MED30: variants seen among roughly 807,000 people sequenced by gnomAD.
The protein encoded by MED30 is mediator of RNA polymerase II transcription subunit 30.
In MED30, 8 loss-of-function variants were observed where a neutral mutation model predicts 21.7. That is an observed-to-expected ratio of 0.37 (90% CI 0.22 to 0.67). The LOEUF is 0.67. MED30 is among the 30% of genes least tolerant of loss of function. MED30 has a pLI of 0.58. For synonymous variants in MED30, 79 were observed against 86.7 expected (o/e 0.91, Z 0.49); for missense variants, 203 against 228.2 (o/e 0.89, Z 0.71).
Position 117,539,980 on chromosome 8 carries a change from CTGA to C in MED30, c.*4_*6del, listed in dbSNP as rs1417276174. 6.4e-7 allele frequency: 1 copy of C among 1,562,800 alleles called. No homozygotes were observed. The highest frequency in any genetic ancestry group is 1.4e-5 in the African/African-American group (1 of 73,292). ...GCCATGTTGGCAATGAGGAACTAAG[CTGA>C]TATTTAAATTTCCTGCTTTACACAT... On this transcript the variant is annotated 3_prime_UTR_variant, in exon 4 of 4. Coordinates refer to ENST00000297347, the MANE Select transcript of MED30 (RefSeq NM_080651.4).
At chr8:117,533,494 G>A (rs1263908729) in intron 3 of MED30, among the ~76,000 whole-genome samples, 1 of 152,076 alleles carries the variant, frequency 6.6e-6, no homozygotes, top group East Asian at 1.9e-4. Context: ...CATATTTGGG[G>A]TTCAGTAAAT....
intron 3 of MED30, among the ~76,000 whole-genome samples, chr8:117,532,333 T>A (rs1389951083): frequency 2.6e-5 from 4 of 151,736 alleles, no homozygotes; most frequent in Non-Finnish European, 5.9e-5. Flanking sequence ...TCAAAGAAAA[T>A]GTTGATAAAT....
chr8:117,523,816 A>G (rs62521199), intron 1 of MED30: 207,068 of 592,478 alleles, frequency 0.35, 37,958 homozygotes, highest in Middle Eastern at 0.49. Context: ...AGACCAGCCT[A>G]GCCAACATGG....
In MED30 at chr8:117,520,741, G is replaced by T; in HGVS notation, c.-136G>T. 4 of 842,990 alleles carry T rather than the reference G, an allele frequency of 4.7e-6. No individual in the cohort carries two copies. Among genetic ancestry groups the T allele is most frequent in the Non-Finnish European group, 7.0e-6 (4 of 568,458 alleles). 52.2% of individuals were successfully genotyped at this position (842,990 alleles called of 1,614,324 possible). ...TTACGTCACAGTGGGCGGAAGTCGCGGCCGCTGTTTTGAAATCGGGCCGCG... is the reference window on the plus strand; with the variant it reads ...TTACGTCACAGTGGGCGGAAGTCGCTGCCGCTGTTTTGAAATCGGGCCGCG... On this transcript the variant is annotated 5_prime_UTR_variant, in exon 1 of 4. Coordinates refer to ENST00000297347, the MANE Select transcript of MED30 (RefSeq NM_080651.4).
At chr8:117,521,509 C>T (rs566141167) in intron 1 of MED30, among the ~76,000 whole-genome samples, 2 of 152,086 alleles carry the variant, frequency 1.3e-5, no homozygotes, top group Non-Finnish European at 2.9e-5. Flanking sequence ...TATATGTGTA[C>T]TGTAGTCTGT....
At chr8:117,526,418 A>G (rs58062490) in intron 1 of MED30, among the ~76,000 whole-genome samples, 38,495 of 151,960 alleles carry the variant, frequency 0.25, 5,252 homozygotes, top group Middle Eastern at 0.37. Flanking sequence ...CATTAATCAT[A>G]GTGCTGACTC....
In MED30 at chr8:117,520,794, T is replaced by C. The variant is rs1265101395; in HGVS notation, c.-83T>C. 2.2e-6 allele frequency: 3 copies of C among 1,371,190 alleles called. No homozygotes were observed. The highest frequency in any genetic ancestry group is 3.0e-5 in the African/African-American group (2 of 66,996). 84.9% of individuals were successfully genotyped at this position (1,371,190 alleles called of 1,614,324 possible). On this transcript the variant is annotated 5_prime_UTR_variant, in exon 1 of 4. Transcript: ENST00000297347. ...GGGTCTCTCAAGCTGGTTCCAACGC[T>C]GAGGCCCCACAGCCTCCCAATTCCG...
chr8:117,528,739 T>G lies in MED30; in HGVS notation c.266T>G (p.Phe89Cys). The G allele has an allele frequency of 6.2e-7, 1 of 1,611,648 alleles. No homozygotes were observed. ...QDNLRQLSVL[F>C]RKLRLVYDKC... is the part of the protein sequence containing the mutation. ...AATCTTCGCCAACTTTCAGTTCTCT[T>G]CAGGAAGCTGAGATTGGTATATGAC... Residue 89 changes from phenylalanine to cysteine, a missense_variant, in exon 2 of 4, where the codon TTC becomes TGC. Phe to Cys is a radical substitution (Grantham distance 205, BLOSUM62 -2). Transcript: ENST00000297347.
intron 3 of MED30, among the ~76,000 whole-genome samples, chr8:117,538,269 C>T (rs117337725): frequency 0.012 from 1,877 of 152,278 alleles, 29 homozygotes; most frequent in Non-Finnish European, 0.022. Context: ...GCTTTAGAGT[C>T]GAGCCCTGTG....
rs546156951 is a variant in MED30 at position 117,523,499 on chromosome 8, C to G, written c.177+2446C>G. ...CGGCGTAGGGTGGCAGGAACAATCT[C>G]CGGGGGCAGATGAAGGTAATCACAG... On this transcript the variant is annotated intron_variant, in intron 1 of 3. Transcript: ENST00000297347. The G allele has an allele frequency of 2.4e-5, 38 of 1,592,030 alleles. No homozygotes were observed. In the East Asian group the frequency reaches 7.6e-4, roughly 32 times the overall value.
intron 3 of MED30, among the ~76,000 whole-genome samples, chr8:117,531,499 T>A (rs1226683022): frequency 6.6e-6 from 1 of 152,032 alleles, no homozygotes; most frequent in African/African-American, 2.4e-5. Flanking sequence ...CTCATCAGTG[T>A]ATTAATAATC....
intron 1 of MED30, chr8:117,523,729 C>G (rs1818671582): frequency 6.9e-7 from 1 of 1,440,288 alleles, no homozygotes; most frequent in Non-Finnish European, 9.6e-7. Flanking sequence ...AGTTCATAGG[C>G]TAGGCGCGGT....
At chr8:117,523,298 C>G (rs1818659983) in intron 1 of MED30, 2 of 1,317,134 alleles carry the variant, frequency 1.5e-6, no homozygotes. Context: ...CGACCAAATC[C>G]GCCTCTAAAC....
chr8:117,528,710 G>A lies in MED30; in HGVS notation c.237G>A (p.Gln79=). Residue 79 remains glutamine (Q), a synonymous_variant, in exon 2 of 4, where the codon CAG becomes CAA. Coordinates refer to ENST00000297347, the MANE Select transcript of MED30 (RefSeq NM_080651.4). ...GTYQDRLTKL[Q]DNLRQLSVLF... ...ATCAAGACCGGTTAACAAAGCTACA[G>A]GATAATCTTCGCCAACTTTCAGTTC... 3 of 1,610,806 alleles carry A rather than the reference G, an allele frequency of 1.9e-6. No individual in the cohort carries two copies. Among genetic ancestry groups the A allele is most frequent in the Non-Finnish European group, 2.5e-6 (3 of 1,178,330 alleles).
chr8:117,522,294 G>A (rs1305502499), intron 1 of MED30, among the ~76,000 whole-genome samples: 1 of 152,146 alleles, frequency 6.6e-6, no homozygotes, highest in Non-Finnish European at 1.5e-5. Context: ...TCTTCTAGAA[G>A]TTTTGTACTT....
chr8:117,525,439 A>AT (rs147070308), intron 1 of MED30, among the ~76,000 whole-genome samples: 1,599 of 148,600 alleles, frequency 0.011, 35 homozygotes, highest in African/African-American at 0.038. Context: ...ACTTAAAGTT[A>AT]TTTTTTTCCC....
chr8:117,536,201 A>G (rs1469058397), intron 3 of MED30, among the ~76,000 whole-genome samples: 5 of 152,200 alleles, frequency 3.3e-5, no homozygotes, highest in African/African-American at 9.6e-5. Flanking sequence ...CTTGGAGAAC[A>G]TAAGACTCCA....
At chr8:117,531,099 TG>T (rs1239808157) in intron 3 of MED30, among the ~76,000 whole-genome samples, 3 of 152,004 alleles carry the variant, frequency 2.0e-5, no homozygotes, top group African/African-American at 7.2e-5. Flanking sequence ...TTTTCTTTTC[TG>T]GGCAGAATTC....
chr8:117,534,850 G>GTTTTGTTT (rs575171276), intron 3 of MED30, among the ~76,000 whole-genome samples: 4 of 121,048 alleles, frequency 3.3e-5, no homozygotes, highest in South Asian at 5.3e-4. Context: ...CAAACAAATT[G>GTTTTGTTT]TTTTTTTTTT....
Sources: allele counts gnomAD v4.1 joint callset (sites outside exome capture counted in the v4.1 genomes callset), GRCh38; gene constraint gnomAD v4.1.1; transcripts MANE v1.5; gene names NCBI Gene and HGNC (gene_info 2026-07-23, HGNC 2026-07-21).